The following NCOR2 variants were observed in gnomAD, a reference collection of about 807,000 sequenced individuals.
The protein encoded by NCOR2 is nuclear receptor corepressor 2, also known as CTG repeat protein 26.
Under a neutral mutation model 262.9 loss-of-function variants are expected in NCOR2, and 81 were observed. The observed-to-expected ratio is 0.31, with a 90% CI of 0.26 to 0.37. The LOEUF is 0.37. NCOR2 is among the 10% of genes least tolerant of loss of function. The pLI is 1.00. For missense variants in NCOR2, 3,385 were observed against 3,621.4 expected (o/e 0.93, Z 1.68); for synonymous variants, 1,659 against 1,559.3 (o/e 1.06, Z -1.51).
rs2047541020 is a variant in NCOR2 at position 124,482,360 on chromosome 12, C to T, written c.411+1236G>A. Among the ~76,000 whole-genome samples, 2 of 152,106 alleles carry T rather than the reference C, an allele frequency of 1.3e-5. No individual in the cohort carries two copies. Among genetic ancestry groups the T allele is most frequent in the African/African-American group, 4.8e-5 (2 of 41,398 alleles). On this transcript the variant is annotated intron_variant, in intron 3 of 46. Coordinates refer to ENST00000405201, the Ensembl canonical transcript of NCOR2. The surrounding 1 kb of genome is among the most constrained non-coding windows in gnomAD (Gnocchi z 6.3). ...CCCAGCCATCCCAGCCCCAGGACGG[C>T]ACCCCCACCTCCTGCCAGCCCAAGC...
intron 37 of NCOR2, 90 bp downstream of exon 39, chr12:124,339,916 A>ACCCCC: frequency 8.6e-7 from 1 of 1,161,292 alleles, no homozygotes; most frequent in African/African-American, 1.7e-5. Flanking sequence ...CCTCCCATAT[A>ACCCCC]CCTCCCACCA....
exon 33 of NCOR2, chr12:124,343,167 T>C: frequency 6.2e-7 from 1 of 1,610,374 alleles, no homozygotes; most frequent in Non-Finnish European, 8.5e-7. Flanking sequence ...GACTTGGCGA[T>C]CTCACGAGGC....
At chr12:124,512,588 C>CA (rs1353942478) in intron 1 of NCOR2, among the ~76,000 whole-genome samples, 3 of 152,198 alleles carry the variant, frequency 2.0e-5, no homozygotes, top group Non-Finnish European at 2.9e-5. Context: ...GGGGTATCAC[C>CA]ACTCACCCCA....
chr12:124,369,691 C>T (rs2039333258), intron 20 of NCOR2, among the ~76,000 whole-genome samples: 1 of 152,106 alleles, frequency 6.6e-6, no homozygotes, highest in Non-Finnish European at 1.5e-5. Context: ...GGGGCCTGGG[C>T]CTAGTCGCAC....
chr12:124,385,697 C>T (rs774844997), intron 17 of NCOR2, 48 bp downstream of exon 19: 2 of 1,603,140 alleles, frequency 1.2e-6, no homozygotes, highest in Non-Finnish European at 1.7e-6. Context: ...AGTCTGGGCT[C>T]CTCTCCCAGC....
chr12:124,399,604 T>C (rs896212065), intron 15 of NCOR2, among the ~76,000 whole-genome samples: 8 of 151,962 alleles, frequency 5.3e-5, no homozygotes, highest in Non-Finnish European at 8.8e-5. Context: ...ATGAAATAGG[T>C]CCAAACTACA....
upstream of NCOR2, chr12:124,538,665 ACTGTGC>A: frequency 6.5e-6 from 1 of 153,426 alleles, no homozygotes; most frequent in African/African-American, 2.4e-5. Context: ...GGGAGAGGCC[ACTGTGC>A]CAGTCCAGGA....
intron 2 of NCOR2, among the ~76,000 whole-genome samples, chr12:124,484,136 C>T (rs540054647): frequency 6.6e-6 from 1 of 152,308 alleles, no homozygotes; most frequent in South Asian, 2.1e-4. Context: ...GAGTCAGACT[C>T]GGCATTTTAA....
At chr12:124,355,369 C>T in intron 24 of NCOR2, 63 bp downstream of exon 26, 1 of 1,573,308 alleles carries the variant, frequency 6.4e-7, no homozygotes, top group South Asian at 1.1e-5. Flanking sequence ...TTCATTGGTC[C>T]CATTGCCCCC....
chr12:124,549,232 T>C lies in NCOR2; in HGVS notation c.-164-13621A>G, dbSNP rs1422958730. ...GAGGATCAGATGAATTCACGTGGCATGTGCCGCACTGAGACAGGCAGGCAC... is the reference window on the plus strand; with the variant it reads ...GAGGATCAGATGAATTCACGTGGCACGTGCCGCACTGAGACAGGCAGGCAC... On this transcript the variant is annotated intron_variant, in intron 1 of 32. Coordinates refer to the NCOR2 transcript ENST00000458234. The surrounding 1 kb of genome is among the most constrained non-coding windows in gnomAD (Gnocchi z 4.4). Among the ~76,000 whole-genome samples, 2 of 151,546 alleles carry C rather than the reference T, an allele frequency of 1.3e-5. No homozygotes were observed. Among genetic ancestry groups the C allele is most frequent in the Admixed American group, 6.6e-5 (1 of 15,222 alleles).
At chr12:124,431,801 A>G (rs972301798) in intron 8 of NCOR2, among the ~76,000 whole-genome samples, 1 of 148,178 alleles carries the variant, frequency 6.7e-6, no homozygotes, top group East Asian at 2.1e-4. Context: ...AGACAGATAC[A>G]CAGGCAGACA....
chr12:124,350,891 GA>G (rs1299047329), intron 27 of NCOR2, among the ~76,000 whole-genome samples, 154 bp from the exon 30 acceptor site: 1 of 152,232 alleles, frequency 6.6e-6, no homozygotes, highest in Non-Finnish European at 1.5e-5. Flanking sequence ...AGTTTGCATG[GA>G]ACAAAACCCT....
At chr12:124,425,386 G>GA (rs969299874) in intron 11 of NCOR2, among the ~76,000 whole-genome samples, 3 of 149,586 alleles carry the variant, frequency 2.0e-5, no homozygotes, top group Non-Finnish European at 4.5e-5. Context: ...AAAGAAGAAA[G>GA]AAAAAAAGGA....
At chr12:124,479,407 ACACACAGGTACATGCACG>A (rs1483756187) in intron 3 of NCOR2, among the ~76,000 whole-genome samples, 2 of 151,734 alleles carry the variant, frequency 1.3e-5, no homozygotes, top group South Asian at 4.2e-4. Context: ...ACACGCACGC[ACACACAGGTACATGCACG>A]CACACAGGCA....
At chr12:124,357,735 T>C (rs1440564720) in intron 22 of NCOR2, among the ~76,000 whole-genome samples, 4 of 152,292 alleles carry the variant, frequency 2.6e-5, no homozygotes, top group Non-Finnish European at 5.9e-5. Flanking sequence ...CTCCGGCTCT[T>C]TGCAGGAAAA....
Position 124,526,953 on chromosome 12 carries a change from C to T in NCOR2, c.-118+8612G>A, listed in dbSNP as rs568263162. 3.0e-4 allele frequency among the ~76,000 whole-genome samples: 46 copies of T among 152,328 alleles called. No homozygotes were observed. In the South Asian group the frequency reaches 9.1e-3, roughly 30 times the overall value. On this transcript the variant is annotated intron_variant, in intron 1 of 46. Coordinates refer to the NCOR2 transcript ENST00000404621. ...GGCAGGACAGAGAGTCCCCCAAGAG[C>T]CAGCCAATCAGGGCCGCTGAAAGAG...
At chr12:124,333,057 G>T in intron 42 of NCOR2, 73 bp downstream of exon 44, 1 of 1,506,990 alleles carries the variant, frequency 6.6e-7, no homozygotes, top group South Asian at 1.3e-5. Flanking sequence ...ATGGCACCAC[G>T]GTGGACTGGG....
At chr12:124,434,191 C>T (rs1383078560) in intron 8 of NCOR2, among the ~76,000 whole-genome samples, 1 of 152,026 alleles carries the variant, frequency 6.6e-6, no homozygotes, top group African/African-American at 2.4e-5. Flanking sequence ...CAGGAACCTG[C>T]TAAGGTGTGG....
At chr12:124,505,269 CCTT>C (rs2048981752) in intron 1 of NCOR2, among the ~76,000 whole-genome samples, 1 of 152,238 alleles carries the variant, frequency 6.6e-6, no homozygotes, top group Non-Finnish European at 1.5e-5. Flanking sequence ...CTCCTTGGAA[CCTT>C]CCCCCAACCC....
Sources: allele counts gnomAD v4.1 joint callset (sites outside exome capture counted in the v4.1 genomes callset), GRCh38; gene constraint gnomAD v4.1.1; non-coding constraint Gnocchi (gnomAD v3.1); transcripts MANE v1.5; gene names NCBI Gene and HGNC (gene_info 2026-07-23, HGNC 2026-07-21).